PCDH9: variants seen among roughly 807,000 people sequenced by gnomAD.
PCDH9 encodes the protein protocadherin-9.
In PCDH9, 24 loss-of-function variants were observed where a neutral mutation model predicts 70.6. That is an observed-to-expected ratio of 0.34 (90% CI 0.25 to 0.48). The LOEUF (loss-of-function observed/expected upper bound fraction) is 0.48, where lower values mean the gene tolerates loss of function less well. PCDH9 is among the 20% of genes least tolerant of loss of function. The pLI is 0.99. For missense variants in PCDH9, 1,281 were observed against 1,503.6 expected (o/e 0.85, Z 2.45); for synonymous variants, 562 against 558.5 (o/e 1.01, Z -0.09).
chr13:66,431,789 T>G (rs1957774226), intron 4 of PCDH9, among the ~76,000 whole-genome samples: 1 of 152,010 alleles, frequency 6.6e-6, no homozygotes, highest in Non-Finnish European at 1.5e-5. Flanking sequence ...AAACAAAGCT[T>G]TGCAAGAACA....
At chr13:66,379,384 CA>C in intron 4 of PCDH9, among the ~76,000 whole-genome samples, 1 of 152,108 alleles carries the variant, frequency 6.6e-6, no homozygotes, top group African/African-American at 2.4e-5. Flanking sequence ...ATTAAAGGAC[CA>C]AAGGCTTTAA....
chr13:66,561,796 C>T (rs895872775), intron 4 of PCDH9, among the ~76,000 whole-genome samples: 3 of 152,142 alleles, frequency 2.0e-5, no homozygotes, highest in African/African-American at 7.2e-5. Context: ...CTCTACCAAT[C>T]AGCAGGATGT....
intron 3 of PCDH9, among the ~76,000 whole-genome samples, chr13:66,738,330 A>C (rs1389804074): frequency 6.6e-6 from 1 of 151,816 alleles, no homozygotes; most frequent in African/African-American, 2.4e-5. Flanking sequence ...TCCACACCGA[A>C]AACCCATCTG....
At chr13:66,375,879 G>A (rs1365965434) in intron 4 of PCDH9, among the ~76,000 whole-genome samples, 1 of 151,928 alleles carries the variant, frequency 6.6e-6, no homozygotes, top group Non-Finnish European at 1.5e-5. Context: ...AGTGCTTCAC[G>A]AGATAATTAA....
chr13:66,342,050 A>T (rs2138147076), intron 4 of PCDH9, among the ~76,000 whole-genome samples: 1 of 152,322 alleles, frequency 6.6e-6, no homozygotes, highest in East Asian at 1.9e-4. Context: ...ATGTTTTCAT[A>T]AGTTCAAAGA....
At chr13:66,700,380 G>A (rs988535500) in intron 3 of PCDH9, among the ~76,000 whole-genome samples, 1 of 152,082 alleles carries the variant, frequency 6.6e-6, no homozygotes, top group Non-Finnish European at 1.5e-5. Context: ...ATTTTACAAG[G>A]CTTCTTAGGA....
At chr13:66,665,463 T>C (rs1485787302) in intron 3 of PCDH9, among the ~76,000 whole-genome samples, 12 of 152,162 alleles carry the variant, frequency 7.9e-5, no homozygotes, top group Non-Finnish European at 4.4e-5. Flanking sequence ...TCCCTTACTG[T>C]TTTCTTACCC....
chr13:66,832,393 T>C (rs143059221), intron 3 of PCDH9, among the ~76,000 whole-genome samples: 1 of 152,070 alleles, frequency 6.6e-6, no homozygotes, highest in Non-Finnish European at 1.5e-5. Context: ...ACCACGTTTT[T>C]CCCTACATTT....
At chr13:66,326,481 C>T (rs898643764) in intron 4 of PCDH9, among the ~76,000 whole-genome samples, 1 of 151,926 alleles carries the variant, frequency 6.6e-6, no homozygotes, top group Non-Finnish European at 1.5e-5. Flanking sequence ...TGCAGTGGCG[C>T]GATCTCGGCT....
intron 4 of PCDH9, among the ~76,000 whole-genome samples, chr13:66,406,599 G>C (rs949853336): frequency 6.6e-6 from 1 of 152,016 alleles, no homozygotes; most frequent in Admixed American, 6.6e-5. Flanking sequence ...ATTCATCTTC[G>C]TGTGGCTTGT....
intron 2 of PCDH9, chr13:67,203,612 G>A (rs771017473): frequency 3.3e-5 from 5 of 151,988 alleles, no homozygotes; most frequent in Non-Finnish European, 7.4e-5. Context: ...GCTAATTCTT[G>A]CATAGCTTTT....
chr13:66,962,776 T>G (rs186681069), intron 2 of PCDH9, among the ~76,000 whole-genome samples: 1 of 152,164 alleles, frequency 6.6e-6, no homozygotes, highest in South Asian at 2.1e-4. Context: ...GGTCTCCAAC[T>G]TTTTTGGCAC....
At chr13:66,466,257 ATCTTTTACTG>A (rs1389395669) in intron 4 of PCDH9, among the ~76,000 whole-genome samples, 1 of 151,696 alleles carries the variant, frequency 6.6e-6, no homozygotes, top group Non-Finnish European at 1.5e-5. Context: ...AGTTAGAAAT[ATCTTTTACTG>A]TCCATTGATA....
intron 2 of PCDH9, among the ~76,000 whole-genome samples, chr13:66,945,428 T>C (rs2083072921): frequency 6.6e-6 from 1 of 152,186 alleles, no homozygotes; most frequent in Non-Finnish European, 1.5e-5. Context: ...TTATGTCAAC[T>C]TAATTTATAG....
At chr13:66,906,349 G>A (rs2082360236) in intron 2 of PCDH9, among the ~76,000 whole-genome samples, 1 of 152,156 alleles carries the variant, frequency 6.6e-6, no homozygotes, top group Non-Finnish European at 1.5e-5. Context: ...AAGAATGTGA[G>A]GATTGATTTC....
chr13:66,650,431 T>C (rs2077834678), intron 3 of PCDH9, among the ~76,000 whole-genome samples: 1 of 151,998 alleles, frequency 6.6e-6, no homozygotes, highest in Non-Finnish European at 1.5e-5. Flanking sequence ...TATATACCAA[T>C]TGTAAATATA....
intron 2 of PCDH9, among the ~76,000 whole-genome samples, chr13:67,074,098 TTATC>T (rs142323334): frequency 0.12 from 17,463 of 151,436 alleles, 1,081 homozygotes; most frequent in Non-Finnish European, 0.13. Context: ...TGTCTGTCTA[TTATC>T]TATCTATCTA....
At chr13:67,083,556 G>A (rs1206839724) in intron 2 of PCDH9, among the ~76,000 whole-genome samples, 3 of 152,134 alleles carry the variant, frequency 2.0e-5, no homozygotes, top group Non-Finnish European at 4.4e-5. Context: ...GATCTCATGA[G>A]CCAAGTATTT....
chr13:66,997,501 A>T (rs992794325), intron 2 of PCDH9, among the ~76,000 whole-genome samples: 1 of 102,888 alleles, frequency 9.7e-6, no homozygotes, highest in Non-Finnish European at 2.3e-5. Flanking sequence ...CCAACACTGG[A>T]GGTCTGTTTT....
Sources: allele counts gnomAD v4.1 joint callset (sites outside exome capture counted in the v4.1 genomes callset), GRCh38; gene constraint gnomAD v4.1.1; transcripts MANE v1.5; gene names NCBI Gene and HGNC (gene_info 2026-07-23, HGNC 2026-07-21).